The following GKN1 variants were observed in gnomAD, a reference collection of about 807,000 sequenced individuals.
The protein encoded by GKN1 is gastrokine 1.
Under a neutral mutation model 19.7 loss-of-function variants are expected in GKN1, and 17 were observed. The ratio of observed to expected loss-of-function variants is 0.86; its 90% CI spans 0.59 to 1.29. GKN1 has a LOEUF of 1.29. Among genes scored for constraint, GKN1 ranks in the 50% most tolerant of loss-of-function variants. The pLI is 0.00. For synonymous variants in GKN1, 96 were observed against 78.3 expected (o/e 1.23, Z -1.20); for missense variants, 218 against 224.5 (o/e 0.97, Z 0.19).
In GKN1 at chr2:68,980,024, C is replaced by G. The variant is rs1259715183; in HGVS notation, c.427C>G (p.Arg143Gly). The change falls in exon 5 of 6, where the codon CGT becomes GGT. Residue 143 changes from arginine to glycine, a missense_variant. Arg to Gly is a moderately radical substitution (Grantham distance 125, BLOSUM62 -2). Transcript: ENST00000377938. ...CGGAAAAAACATTGCAAACATGTGT[C>G]GTGGGATTCCAACATACATGGCTGA... ...KFGKNIANMC[R>G]GIPTYMAEEM... The G allele has an allele frequency of 3.1e-6, 5 of 1,613,848 alleles. No homozygotes were observed. The Middle Eastern group carries it at 6.6e-4, about 214-fold the overall frequency.
rs141746794 is a variant in GKN1, at chr2:68,974,666, C to T, written c.-12C>T. On this transcript the variant is annotated 5_prime_UTR_variant, in exon 1 of 6. Transcript: ENST00000377938. ...TGCCTACTCCTCTGTCCACTGCTTT[C>T]GTGAAGACAAGATGAAGTTCACAGT... 1.0e-5 allele frequency: 16 copies of T among 1,602,858 alleles called. No individual in the cohort carries two copies. The highest frequency in any genetic ancestry group is 1.7e-5 in the Admixed American group (1 of 59,952).
At chr2:68,975,828 G>A (rs937368465) in intron 1 of GKN1, among the ~76,000 whole-genome samples, 3 of 152,106 alleles carry the variant, frequency 2.0e-5, no homozygotes, top group African/African-American at 7.2e-5. Flanking sequence ...TGACTTTTTA[G>A]GAGACTAATT....
chr2:68,980,110 C>T (rs772490124), intron 5 of GKN1, 50 bp downstream of exon 5: 1 of 1,546,612 alleles, frequency 6.5e-7, no homozygotes, highest in African/African-American at 1.4e-5. Context: ...GTGGGATTGT[C>T]AGACTATCCT....
Position 68,980,971 on chromosome 2 carries a change from A to T in GKN1, c.*148A>T, listed in dbSNP as rs1670349858. ...TTAAGTTTCAATAAAATCATTTAGCATTGAATTCAGTGTATACTCACATTT... is the reference window on the plus strand; with the variant it reads ...TTAAGTTTCAATAAAATCATTTAGCTTTGAATTCAGTGTATACTCACATTT... On this transcript the variant is annotated 3_prime_UTR_variant, in exon 6 of 6. Coordinates refer to ENST00000377938, the MANE Select transcript of GKN1 (RefSeq NM_019617.4). The T allele has an allele frequency of 3.2e-6, 2 of 615,760 alleles. No individual in the cohort carries two copies. The highest frequency in any genetic ancestry group is 4.0e-5 in the South Asian group (2 of 50,552). The allele number at this position is 615,760 out of a possible 1,614,324, so 38.1% of individuals were successfully genotyped here.
At chr2:68,976,681 C>T (rs746005976) in intron 1 of GKN1, among the ~76,000 whole-genome samples, 43 of 152,148 alleles carry the variant, frequency 2.8e-4, no homozygotes, top group Non-Finnish European at 5.6e-4. Flanking sequence ...AGAAGTATAA[C>T]TTTCTTCTTT....
chr2:68,977,737 G>C lies in GKN1; in HGVS notation c.167G>C (p.Gly56Ala). 6.2e-7 allele frequency: 1 copy of C among 1,611,600 alleles called. No individual in the cohort carries two copies. The change falls in exon 3 of 6, where the codon GGA (glycine) becomes GCA (alanine). Residue 56 changes from glycine to alanine, a missense_variant. Transcript: ENST00000377938. ...HNVANVDNNN[G>A]WDSWNSIWDY... ...GTGGCCAATGTTGACAATAACAACG[G>C]ATGGGACTCCTGGAATTCCATCTGG...
rs1283832353 is a variant in GKN1, at chr2:68,980,883, G to C, written c.*60G>C. ...TGAATATGCTGTGCAGAAAAAATAT[G>C]GGCTCCAGTGGTTTTTACCATGTCA... On this transcript the variant is annotated 3_prime_UTR_variant, in exon 6 of 6. Transcript: ENST00000377938. The C allele has an allele frequency of 1.1e-5, 9 of 816,840 alleles. No individual in the cohort carries two copies. The East Asian group carries it at 2.2e-4, about 20-fold the overall frequency. 50.6% of individuals were successfully genotyped at this position (816,840 alleles called of 1,614,324 possible).
Position 68,979,970 on chromosome 2 carries a change from C to G in GKN1, c.373C>G (p.Pro125Ala). The G allele has an allele frequency of 6.2e-7, 1 of 1,613,398 alleles. No individual in the cohort carries two copies. The highest frequency in any genetic ancestry group is 8.5e-7 in the Non-Finnish European group (1 of 1,179,324). The part of the protein sequence containing the change: ...PPKGLMYSVN[P>A]NKVDDLSKFG... The stretch of plus-strand genomic sequence containing the variant: ...CAAGGGCCTGATGTACTCAGTCAAC[C>G]CAAACAAAGTCGATGACCTGAGCAA... Residue 125 changes from proline to alanine, a missense_variant, in exon 5 of 6, where the codon CCA becomes GCA. Pro to Ala is a conservative substitution (Grantham distance 27, BLOSUM62 -1). Transcript: ENST00000377938.
rs754003253 is a variant in GKN1, at chr2:68,980,078, T to G, written c.463+18T>G. ...GATGCAAGGTGAGTAGCATCCCTAC[T>G]GTGCACCCCAAGTTAGTGCTGGTGG... On this transcript the variant is annotated intron_variant, in intron 5 of 5. Coordinates refer to ENST00000377938, the MANE Select transcript of GKN1 (RefSeq NM_019617.4). 3.7e-6 allele frequency: 6 copies of G among 1,607,762 alleles called. No homozygotes were observed. Among genetic ancestry groups the G allele is most frequent in the Non-Finnish European group, 5.1e-6 (6 of 1,174,876 alleles).
In GKN1 at chr2:68,978,935, T is replaced by G. The variant is rs141810900; in HGVS notation, c.269T>G (p.Val90Gly). Residue 90 changes from valine to glycine, a missense_variant, in exon 4 of 6, where the codon GTC (valine) becomes GGC (glycine). By Grantham distance (109) the Val-to-Gly change is moderately radical. Coordinates refer to ENST00000377938, the MANE Select transcript of GKN1 (RefSeq NM_019617.4). ...ATTGTGCACAAAATGAACAAGGAAG[T>G]CATGCCCTCCATTCAATCCCTTGAT... Reference protein sequence around the residue: ...TCIVHKMNKEVMPSIQSLDAL... With the variant: ...TCIVHKMNKEGMPSIQSLDAL... 1 of 1,609,968 alleles carries G rather than the reference T, an allele frequency of 6.2e-7. No homozygotes were observed. The highest frequency in any genetic ancestry group is 8.5e-7 in the Non-Finnish European group (1 of 1,176,582).
At chr2:68,979,873 T>A (rs768119223) in intron 4 of GKN1, 40 bp from the exon 5 acceptor site, 1 of 1,582,244 alleles carries the variant, frequency 6.3e-7, no homozygotes, top group Admixed American at 1.7e-5. Context: ...GCATTCATTC[T>A]CTCCCATTCT....
At chr2:68,979,133 G>A (rs918570585) in intron 4 of GKN1, 152 bp downstream of exon 4, 1 of 531,376 alleles carries the variant, frequency 1.9e-6, no homozygotes, top group Non-Finnish European at 3.4e-6. Flanking sequence ...CTGAGGGAAG[G>A]CAACTTCTGC....
intron 1 of GKN1, among the ~76,000 whole-genome samples, chr2:68,976,014 C>T (rs973996681): frequency 2.6e-5 from 4 of 152,204 alleles, no homozygotes; most frequent in East Asian, 3.9e-4. Context: ...GTCAGGGACC[C>T]TGTGATAAAT....
chr2:68,976,036 G>A (rs1249871299), intron 1 of GKN1, among the ~76,000 whole-genome samples: 1 of 152,050 alleles, frequency 6.6e-6, no homozygotes, highest in African/African-American at 2.4e-5. Flanking sequence ...ATTAAACCAA[G>A]TATCCTGGGA....
At chr2:68,974,750 G>A (rs1462512777) in intron 1 of GKN1, 61 bp downstream of exon 1, 1 of 1,102,346 alleles carries the variant, frequency 9.1e-7, no homozygotes, top group Admixed American at 1.7e-5. Flanking sequence ...AATATTCTGA[G>A]ATTTAGGAGG....
At chr2:68,980,085 C>A (rs768122229) in intron 5 of GKN1, 25 bp downstream of exon 5, 5 of 1,603,392 alleles carry the variant, frequency 3.1e-6, no homozygotes, top group Middle Eastern at 1.9e-4. Context: ...TACTGTGCAC[C>A]CCAAGTTAGT....
chr2:68,980,757 G>T lies in GKN1; in HGVS notation c.492G>T (p.Thr164=), dbSNP rs754540068. The part of the protein sequence containing the change: ...QEASLFFYSG[T]CYTTSVLWIV... ...CAAGCCTGTTTTTTTACTCAGGAAC[G>T]TGCTACACGACCAGTGTACTATGGA... Residue 164 remains threonine, a synonymous_variant, in exon 6 of 6, where the codon ACG becomes ACT. Coordinates refer to ENST00000377938, the MANE Select transcript of GKN1 (RefSeq NM_019617.4). 6.3e-7 allele frequency: 1 copy of T among 1,590,260 alleles called. No homozygotes were observed. Among genetic ancestry groups the T allele is most frequent in the Admixed American group, 1.7e-5 (1 of 59,990 alleles).
At chr2:68,977,818 C>A (rs772084216) in intron 3 of GKN1, 44 bp downstream of exon 3, 23 of 1,490,766 alleles carry the variant, frequency 1.5e-5, no homozygotes, top group Non-Finnish European at 1.5e-5. Flanking sequence ...TTTAAAAATA[C>A]GATTTCTTTT....
chr2:68,977,969 T>C, intron 3 of GKN1, 195 bp downstream of exon 3: 1 of 576,572 alleles, frequency 1.7e-6, no homozygotes, highest in Middle Eastern at 4.6e-4. Context: ...AAGTGTTGCA[T>C]GATCAGTTAA....
Sources: allele counts gnomAD v4.1 joint callset (sites outside exome capture counted in the v4.1 genomes callset), GRCh38; gene constraint gnomAD v4.1.1; transcripts MANE v1.5; gene names NCBI Gene and HGNC (gene_info 2026-07-23, HGNC 2026-07-21).